HS6ST1: variants seen among roughly 807,000 people sequenced by gnomAD.
HS6ST1 encodes heparan-sulfate 6-O-sulfotransferase 1.
A neutral mutation model predicts 25.2 loss-of-function variants in HS6ST1; 3 were observed. That is an observed-to-expected ratio of 0.12 (90% CI 0.05 to 0.31). The LOEUF is 0.31. HS6ST1 is among the 10% of genes least tolerant of loss of function. The pLI, the probability that HS6ST1 is intolerant of heterozygous loss-of-function variation, is 1.00. For missense variants in HS6ST1, 310 were observed against 609.6 expected (o/e 0.51, Z 5.18); for synonymous variants, 204 against 275.1 (o/e 0.74, Z 2.56).
chr2:128,268,542 G>A lies in HS6ST1; in HGVS notation c.856C>T (p.Arg286Trp), dbSNP rs763970769. ...LLLESAKKNL[R>W]GMAFFGLTEF... ...GTCAGGCCGAAGAAGGCCATGCCCC[G>A]CAGGTTCTTCTTGGCGCTCTCGAGC... The change falls in exon 2 of 2, where the codon CGG becomes TGG. Residue 286 changes from arginine (R) to tryptophan (W), a missense_variant. By Grantham distance (101) the Arg-to-Trp change is moderately radical. Coordinates refer to ENST00000259241, the MANE Select transcript of HS6ST1 (RefSeq NM_004807.3). The A allele has an allele frequency of 1.4e-5, 22 of 1,600,820 alleles. No individual in the cohort carries two copies. Among genetic ancestry groups the A allele is most frequent in the African/African-American group, 2.7e-5 (2 of 74,492 alleles).
chr2:128,285,320 G>A (rs545291148), intron 1 of HS6ST1, among the ~76,000 whole-genome samples: 1 of 152,276 alleles, frequency 6.6e-6, no homozygotes, highest in Non-Finnish European at 1.5e-5. Context: ...CCAGGTTCTG[G>A]GCGCACCCCA....
chr2:128,305,938 C>T (rs947515336), intron 1 of HS6ST1, among the ~76,000 whole-genome samples: 2 of 152,180 alleles, frequency 1.3e-5, no homozygotes, highest in East Asian at 1.9e-4. Context: ...ATGAGCCACA[C>T]GCCTGGCTCC....
At chr2:128,287,298 G>C (rs996086542) in intron 1 of HS6ST1, among the ~76,000 whole-genome samples, 1 of 152,180 alleles carries the variant, frequency 6.6e-6, no homozygotes, top group Non-Finnish European at 1.5e-5. Flanking sequence ...CACTCCCCCA[G>C]AGAAGGTGCA....
intron 1 of HS6ST1, among the ~76,000 whole-genome samples, chr2:128,316,037 TCC>T (rs1558883433): frequency 6.6e-6 from 1 of 152,240 alleles, no homozygotes; most frequent in East Asian, 1.9e-4. Context: ...GCAGCCCACC[TCC>T]GCCAGAGGCA....
chr2:128,284,504 C>CTT (rs71396519), intron 1 of HS6ST1, among the ~76,000 whole-genome samples: 2 of 94,888 alleles, frequency 2.1e-5, no homozygotes, highest in Non-Finnish European at 2.1e-5. Flanking sequence ...CATCGTCCCT[C>CTT]TTTTTTTTTT....
chr2:128,293,841 CCA>C (rs776219378), intron 1 of HS6ST1, among the ~76,000 whole-genome samples: 4 of 152,202 alleles, frequency 2.6e-5, no homozygotes, highest in Non-Finnish European at 2.9e-5. Context: ...GGGTCTGTGG[CCA>C]CATAGGATCC....
chr2:128,275,573 T>G (rs1353493313), intron 1 of HS6ST1, among the ~76,000 whole-genome samples: 2 of 151,886 alleles, frequency 1.3e-5, no homozygotes, highest in Non-Finnish European at 2.9e-5. Flanking sequence ...AAATTAAAAG[T>G]AAAAGAAAAC....
At chr2:128,293,221 C>T (rs1462616650) in intron 1 of HS6ST1, among the ~76,000 whole-genome samples, 2 of 152,264 alleles carry the variant, frequency 1.3e-5, no homozygotes, top group African/African-American at 4.8e-5. Context: ...CCAGGCACAG[C>T]CCGCTCTGAG....
At position 128,313,847 on chromosome 2, in the gene HS6ST1, C is replaced by T. The variant is rs1474965830; in HGVS notation, c.527+4190G>A. ...AGCTGTGGCTTGAAGACCACCAGAGCAGCATGGCAGAAATGATCCCCCAAG... is the reference window on the plus strand; with the variant it reads ...AGCTGTGGCTTGAAGACCACCAGAGTAGCATGGCAGAAATGATCCCCCAAG... On this transcript the variant is annotated intron_variant, in intron 1 of 1. Transcript: ENST00000259241. 2.6e-5 allele frequency among the ~76,000 whole-genome samples: 4 copies of T among 151,458 alleles called. No homozygotes were observed. The East Asian group carries it at 7.7e-4, about 29-fold the overall frequency.
At chr2:128,304,188 C>T (rs942383483) in intron 1 of HS6ST1, among the ~76,000 whole-genome samples, 3 of 152,200 alleles carry the variant, frequency 2.0e-5, no homozygotes, top group Admixed American at 6.5e-5. Context: ...TAAGCCTATT[C>T]CCCCAATAAA....
chr2:128,269,084 A>G (rs571031322), intron 1 of HS6ST1, among the ~76,000 whole-genome samples: 42 of 152,330 alleles, frequency 2.8e-4, no homozygotes, highest in Non-Finnish European at 5.0e-4. Flanking sequence ...TGACCACCAC[A>G]GTGCCCTGCA....
rs564425548 is a variant in HS6ST1, at chr2:128,313,078, A to C, written c.527+4959T>G. On this transcript the variant is annotated intron_variant, in intron 1 of 1. Coordinates refer to ENST00000259241, the MANE Select transcript of HS6ST1 (RefSeq NM_004807.3). ...AGACTCCATCTCAAAAAAAAAATTC[A>C]CATGCTATTCAGTACCAATGAGTGT... is the stretch of plus-strand genomic sequence containing the variant. Among the ~76,000 whole-genome samples, 6 of 152,216 alleles carry C rather than the reference A, an allele frequency of 3.9e-5. No individual in the cohort carries two copies. In the South Asian group the frequency reaches 1.2e-3, roughly 32 times the overall value.
At position 128,268,347 on chromosome 2, in the gene HS6ST1, C is replaced by T. The variant is rs1398695673; in HGVS notation, c.1051G>A (p.Ala351Thr). 1.2e-6 allele frequency: 2 copies of T among 1,613,648 alleles called. No individual in the cohort carries two copies. Among genetic ancestry groups the T allele is most frequent in the Non-Finnish European group, 1.7e-6 (2 of 1,179,868 alleles). Reference protein sequence around the residue: ...NDLDMQLYDYAKDLFQQRYQY... With the variant: ...NDLDMQLYDYTKDLFQQRYQY... Reference sequence around the variant, plus strand: ...TAGCGCTGCTGGAAGAGGTCCTTGGCGTAGTCGTACAGCTGCATGTCCAGG... The same window carrying T: ...TAGCGCTGCTGGAAGAGGTCCTTGGTGTAGTCGTACAGCTGCATGTCCAGG... The change falls in exon 2 of 2, where the codon GCC (alanine) becomes ACC (threonine). Residue 351 changes from alanine (A) to threonine (T), a missense_variant. By Grantham distance (58) the Ala-to-Thr change is moderately conservative. Transcript: ENST00000259241.
At chr2:128,282,019 C>G (rs995848508) in intron 1 of HS6ST1, among the ~76,000 whole-genome samples, 2 of 152,230 alleles carry the variant, frequency 1.3e-5, no homozygotes, top group Non-Finnish European at 2.9e-5. Flanking sequence ...AACTATTCAC[C>G]TGCTGAGCCA....
At chr2:128,286,843 C>T (rs1345139902) in intron 1 of HS6ST1, among the ~76,000 whole-genome samples, 1 of 152,228 alleles carries the variant, frequency 6.6e-6, no homozygotes, top group Non-Finnish European at 1.5e-5. Flanking sequence ...CGCCTTGCCT[C>T]CTGCAAAGCT....
chr2:128,306,776 A>G (rs1694218126), intron 1 of HS6ST1, among the ~76,000 whole-genome samples: 2 of 152,152 alleles, frequency 1.3e-5, no homozygotes, highest in African/African-American at 4.8e-5. Context: ...AGGGGGTGCG[A>G]AAAGCTTTAT....
chr2:128,274,927 G>A (rs1448339287), intron 1 of HS6ST1, among the ~76,000 whole-genome samples: 2 of 132,822 alleles, frequency 1.5e-5, no homozygotes, highest in African/African-American at 5.9e-5. Flanking sequence ...GCAGTGAGCT[G>A]AGATCGCATC....
At chr2:128,306,086 C>T (rs1302340598) in intron 1 of HS6ST1, among the ~76,000 whole-genome samples, 1 of 152,216 alleles carries the variant, frequency 6.6e-6, no homozygotes, top group East Asian at 1.9e-4. Flanking sequence ...CTCTTTGAGT[C>T]TCAGTTTACT....
In HS6ST1 at chr2:128,318,595, C is replaced by G. The variant is rs1306287363; in HGVS notation, c.-32G>C. The G allele has an allele frequency of 6.1e-6, 8 of 1,302,566 alleles. No homozygotes were observed. Among genetic ancestry groups the G allele is most frequent in the Non-Finnish European group, 7.9e-6 (8 of 1,012,658 alleles). The allele number at this position is 1,302,566 out of a possible 1,614,324, so 80.7% of individuals were successfully genotyped here. Reference sequence around the variant, plus strand: ...CCATCGCCGGGGCCCGGGCGCGGGGCGCGGGGCCTGGGAGGGCAGGAGGCG... The same window carrying G: ...CCATCGCCGGGGCCCGGGCGCGGGGGGCGGGGCCTGGGAGGGCAGGAGGCG... On this transcript the variant is annotated 5_prime_UTR_variant, in exon 1 of 2. Transcript: ENST00000259241. This position sits in a 1 kb window ranked among gnomAD's most constrained non-coding sequence, Gnocchi z 5.7.
Sources: allele counts gnomAD v4.1 joint callset (sites outside exome capture counted in the v4.1 genomes callset), GRCh38; gene constraint gnomAD v4.1.1; non-coding constraint Gnocchi (gnomAD v3.1); transcripts MANE v1.5; gene names NCBI Gene and HGNC (gene_info 2026-07-23, HGNC 2026-07-21).